Variants in YIPF2 observed in about 807,000 individuals in gnomAD.
YIPF2 encodes the protein Yip1 domain family member 2.
In YIPF2, 30 loss-of-function variants were observed where a neutral mutation model predicts 38.8. The ratio of observed to expected loss-of-function variants is 0.77; its 90% CI spans 0.58 to 1.05. YIPF2 has a LOEUF of 1.05. Among genes scored for constraint, YIPF2 ranks in the 50% least tolerant of loss-of-function variants. The pLI, the probability that YIPF2 is intolerant of heterozygous loss-of-function variation, is 0.00. For synonymous variants in YIPF2, 194 were observed against 183.8 expected, an observed-to-expected ratio of 1.06 and a Z score of -0.45; for missense variants, 401 against 409.7, an observed-to-expected ratio of 0.98 and a Z score of 0.18.
chr19:10,923,746 C>A (rs139786282), intron 7 of YIPF2, 69 bp from the exon 8 acceptor site: 1 of 1,579,542 alleles, frequency 6.3e-7, no homozygotes, highest in East Asian at 2.3e-5. Context: ...CACCAGGCCA[C>A]CCTCACCACC....
chr19:10,926,072 G>C (rs1441871085), intron 4 of YIPF2, among the ~76,000 whole-genome samples: 2 of 151,696 alleles, frequency 1.3e-5, no homozygotes, highest in Admixed American at 6.6e-5. Context: ...CACCACGCCT[G>C]GCTAATAGTT....
Position 10,923,382 on chromosome 19 carries a change from G to A in YIPF2, c.860C>T (p.Pro287Leu), listed in dbSNP as rs376212821. The part of the protein sequence containing the change: ...CKLYFFQSLP[P>L]ENVAPPPQIT... ...TTGGGGTGGAGGAGCCACGTTCTCC[G>A]GAGGCAGCGACTGGAAGAAGTACAA... The change falls in exon 9 of 10, where the codon CCG (proline) becomes CTG (leucine). Residue 287 changes from proline (P) to leucine (L), a missense_variant. Pro to Leu is a moderately conservative substitution (Grantham distance 98). Coordinates refer to ENST00000586748, the MANE Select transcript of YIPF2 (RefSeq NM_001321439.2). 215 of 1,613,492 alleles carry A rather than the reference G, an allele frequency of 1.3e-4. No homozygotes were observed. Among genetic ancestry groups the A allele is most frequent in the Non-Finnish European group, 1.6e-4 (193 of 1,179,788 alleles).
rs565891045 is a variant in YIPF2, at chr19:10,924,286, C to T, written c.368-94G>A. On this transcript the variant is annotated intron_variant, in intron 5 of 9. Transcript: ENST00000586748. ...CTGAGCTGTGCTGAGACCCCAGCCT[C>T]TTCCTAAGCACCTTGCCTGACTCAC... 3.4e-6 allele frequency: 4 copies of T among 1,188,488 alleles called. No homozygotes were observed. In the East Asian group the frequency reaches 9.9e-5, roughly 29 times the overall value. The allele number at this position is 1,188,488 out of a possible 1,614,324, so 73.6% of individuals were successfully genotyped here.
intron 7 of YIPF2, 47 bp from the exon 8 acceptor site, chr19:10,923,724 C>G (rs752366789): frequency 2.1e-5 from 33 of 1,580,488 alleles, no homozygotes; most frequent in Non-Finnish European, 2.8e-5. Context: ...CCCCCAGCCA[C>G]CACCCACTCT....
rs781194931 is a variant in YIPF2 at position 10,924,135 on chromosome 19, G to A, written c.425C>T (p.Thr142Met). The A allele has an allele frequency of 2.4e-5, 38 of 1,613,594 alleles. 1 individual carries two copies. Among genetic ancestry groups the A allele is most frequent in the South Asian group, 2.2e-4 (20 of 91,092 alleles). ...AFVLAVTGNL[T>M]LVLAQRRDPS... Reference sequence around the variant, plus strand: ...GTCCCTCCTCTGGGCCAGCACCAGCGTCAGGTTGCCAGTGACGGCCAGGAC... The same window carrying A: ...GTCCCTCCTCTGGGCCAGCACCAGCATCAGGTTGCCAGTGACGGCCAGGAC... Residue 142 changes from threonine (T) to methionine (M), a missense_variant, in exon 6 of 10, where the codon ACG becomes ATG. By Grantham distance (81) the Thr-to-Met change is moderately conservative. Transcript: ENST00000586748.
chr19:10,923,300 G>A lies in YIPF2; in HGVS notation c.942C>T (p.Ala314=). The A allele has an allele frequency of 6.2e-7, 1 of 1,611,236 alleles. No individual in the cohort carries two copies. The change falls in exon 9 of 10, where the codon GCC becomes GCT. Residue 314 remains alanine, a synonymous_variant. Coordinates refer to ENST00000586748, the MANE Select transcript of YIPF2 (RefSeq NM_001321439.2). ...ALSPTLPQSL[A]PS Reference sequence around the variant, plus strand: ...TGGGACCCGGGCCTTCCTAGGAGGGGGCCAGGGACTGCGGCAAGGTAGGGG... The same window carrying A: ...TGGGACCCGGGCCTTCCTAGGAGGGAGCCAGGGACTGCGGCAAGGTAGGGG...
Position 10,927,889 on chromosome 19 carries a change from C to G in YIPF2, c.102G>C (p.Leu34=), listed in dbSNP as rs1052684867. 2.5e-6 allele frequency: 4 copies of G among 1,612,522 alleles called. No homozygotes were observed. The African/African-American group carries it at 5.3e-5, about 22-fold the overall frequency. The change falls in exon 3 of 10, where the codon CTG becomes CTC. Residue 34 remains leucine (L), a synonymous_variant. Coordinates refer to ENST00000586748, the MANE Select transcript of YIPF2 (RefSeq NM_001321439.2). ...CCACAGCCACGTGCCCTTGTGGGGTCAGCTGATCGCTTCTGCTGGTGGTGG... is the reference window on the plus strand; with the variant it reads ...CCACAGCCACGTGCCCTTGTGGGGTGAGCTGATCGCTTCTGCTGGTGGTGG... The part of the protein sequence containing the change: ...DAATTSRSDQ[L]TPQGHVAVAV...
At chr19:10,928,025 C>T (rs764336992) in intron 2 of YIPF2, 66 bp from the exon 3 acceptor site, 1 of 1,553,696 alleles carries the variant, frequency 6.4e-7, no homozygotes, top group Non-Finnish European at 8.8e-7. Flanking sequence ...TGGGCCCAAG[C>T]TAAACCGATG....
chr19:10,927,739 G>A (rs748944970), intron 3 of YIPF2, 23 bp from the exon 4 acceptor site: 2 of 1,612,366 alleles, frequency 1.2e-6, no homozygotes, highest in Non-Finnish European at 1.7e-6. Context: ...GGCATTCAGT[G>A]CCTGCCCGGA....
At position 10,923,296 on chromosome 19, in the gene YIPF2, A is replaced by C. The variant is rs201215986; in HGVS notation, c.946T>G (p.Ser316Ala). 1 of 1,607,992 alleles carries C rather than the reference A, an allele frequency of 6.2e-7. No homozygotes were observed. The highest frequency in any genetic ancestry group is 2.2e-5 in the East Asian group (1 of 44,826). ...CCTGTGGGACCCGGGCCTTCCTAGG[A>C]GGGGGCCAGGGACTGCGGCAAGGTA... ...SPTLPQSLAP[S>A] Residue 316 changes from serine (S) to alanine (A), a missense_variant, in exon 9 of 10, where the codon TCC (serine) becomes GCC (alanine). Coordinates refer to ENST00000586748, the MANE Select transcript of YIPF2 (RefSeq NM_001321439.2).
chr19:10,923,849 A>G lies in YIPF2; in HGVS notation c.635T>C (p.Val212Ala), dbSNP rs1599719801. ...CACACTCACCACCATGGGGATGAAG[A>G]CAAAGAGGGAGTAGCCGTAGATGCA... ...TVCIYGYSLF[V>A]FIPMVVLWLI... is the part of the protein sequence containing the mutation. The change falls in exon 7 of 10, where the codon GTC becomes GCC. Residue 212 changes from valine to alanine, a missense_variant. Val to Ala is a moderately conservative substitution (Grantham distance 64). Transcript: ENST00000586748. 1 of 1,612,974 alleles carries G rather than the reference A, an allele frequency of 6.2e-7. No homozygotes were observed. The highest frequency in any genetic ancestry group is 2.2e-5 in the East Asian group (1 of 44,826).
rs377326551 is a variant in YIPF2 at position 10,925,706 on chromosome 19, C to T, written c.347G>A (p.Arg116Gln). The T allele has an allele frequency of 9.9e-6, 16 of 1,613,894 alleles. No homozygotes were observed. The highest frequency in any genetic ancestry group is 9.3e-5 in the African/African-American group (7 of 74,918). The stretch of plus-strand genomic sequence containing the variant: ...CTCACCATACAGATCCGGCCGATTC[C>T]GCAGATGGTGCCGCACAAAGTTGTG... ...PGHNFVRHHL[R>Q]NRPDLYGPFW... The change falls in exon 5 of 10, where the codon CGG becomes CAG. Residue 116 changes from arginine to glutamine, a missense_variant. By Grantham distance (43) the Arg-to-Gln change is conservative. Coordinates refer to ENST00000586748, the MANE Select transcript of YIPF2 (RefSeq NM_001321439.2).
chr19:10,926,416 T>C lies in YIPF2; in HGVS notation c.280-643A>G, dbSNP rs541094893. ...TAATTTTTTGTATTTTTAGTAGAGATGGGGTTTCACCGTGTTAGCCAGGAT... is the reference window on the plus strand; with the variant it reads ...TAATTTTTTGTATTTTTAGTAGAGACGGGGTTTCACCGTGTTAGCCAGGAT... On this transcript the variant is annotated intron_variant, in intron 4 of 9. Transcript: ENST00000586748. Among the ~76,000 whole-genome samples the C allele has an allele frequency of 1.3e-4, 19 of 150,350 alleles. No homozygotes were observed. The South Asian group carries it at 3.6e-3, about 28-fold the overall frequency.
Position 10,924,107 on chromosome 19 carries a change from G to A in YIPF2, c.453C>T (p.Pro151=), listed in dbSNP as rs760346057. ...GGAACTGGGGGCTGTAGTGGATGGA[G>A]GGGTCCCTCCTCTGGGCCAGCACCA... The part of the protein sequence containing the change: ...LTLVLAQRRD[P]SIHYSPQFHK... Residue 151 remains proline, a synonymous_variant, in exon 6 of 10, where the codon CCC becomes CCT. Coordinates refer to ENST00000586748, the MANE Select transcript of YIPF2 (RefSeq NM_001321439.2). 6.2e-7 allele frequency: 1 copy of A among 1,613,868 alleles called. No homozygotes were observed.
chr19:10,927,472 C>T, intron 4 of YIPF2, 158 bp downstream of exon 4: 1 of 948,322 alleles, frequency 1.1e-6, no homozygotes, highest in Non-Finnish European at 1.5e-6. Flanking sequence ...CCCCTGTGTT[C>T]CCATAGTCCC....
In YIPF2 at chr19:10,925,672, A is replaced by G. The variant is rs775160073; in HGVS notation, c.367+14T>C. 6.2e-7 allele frequency: 1 copy of G among 1,613,926 alleles called. No individual in the cohort carries two copies. Among genetic ancestry groups the G allele is most frequent in the Non-Finnish European group, 8.5e-7 (1 of 1,179,920 alleles). ...AGTGATCCATCAAGGAACCAAATGCACAACCTCACTCACCATACAGATCCG... is the reference window on the plus strand; with the variant it reads ...AGTGATCCATCAAGGAACCAAATGCGCAACCTCACTCACCATACAGATCCG... On this transcript the variant is annotated intron_variant, in intron 5 of 9. Transcript: ENST00000586748.
At chr19:10,924,213 C>A (rs1310169210) in intron 5 of YIPF2, 21 bp from the exon 6 acceptor site, 2 of 1,601,942 alleles carry the variant, frequency 1.2e-6, no homozygotes, top group Admixed American at 1.7e-5. Context: ...GGGGCACAGT[C>A]AGGGTCCCGG....
At position 10,924,003 on chromosome 19, in the gene YIPF2, G is replaced by A. The variant is rs368328686; in HGVS notation, c.485-4C>T. Reference sequence around the variant, plus strand: ...ATGCTGATGCCTGCCACGGTCACTGGGGGGGGCAAGGTGAGCAGTCACCCC... The same window carrying A: ...ATGCTGATGCCTGCCACGGTCACTGAGGGGGGCAAGGTGAGCAGTCACCCC... On this transcript the variant is annotated splice_polypyrimidine_tract_variant and splice_region_variant and intron_variant, in intron 6 of 9. Transcript: ENST00000586748. The A allele has an allele frequency of 1.7e-5, 28 of 1,610,520 alleles. No homozygotes were observed. Among genetic ancestry groups the A allele is most frequent in the Non-Finnish European group, 2.2e-5 (26 of 1,178,748 alleles).
chr19:10,924,056 G>T lies in YIPF2; in HGVS notation c.484+20C>A. On this transcript the variant is annotated intron_variant, in intron 6 of 9. Transcript: ENST00000586748. ...GTACCCCAGGGCCCTGCCAGGCATT[G>T]GGCCTGCCCGTCTGCTTACCCTTGT... 1 of 1,613,258 alleles carries T rather than the reference G, an allele frequency of 6.2e-7. No homozygotes were observed. Among genetic ancestry groups the T allele is most frequent in the Non-Finnish European group, 8.5e-7 (1 of 1,179,594 alleles).
Sources: gnomAD v4.1 joint callset for allele counts (sites outside exome capture counted in the v4.1 genomes callset) on GRCh38, gnomAD v4.1.1 for gene constraint, MANE v1.5 for transcripts, NCBI Gene and HGNC (gene_info 2026-07-23, HGNC 2026-07-21) for gene names.